Variants in MCC observed in about 807,000 individuals in gnomAD.
MCC encodes the protein MCC regulator of Wnt signaling pathway.
Under a neutral mutation model 116.2 loss-of-function variants are expected in MCC, and 90 were observed. That is an observed-to-expected ratio of 0.77 (90% CI 0.65 to 0.92). The LOEUF is 0.92. Ranked by LOEUF, MCC falls within the 40% of genes least tolerant of loss-of-function variation. The pLI is 0.00. For missense variants in MCC, 1,516 were observed against 1,312.2 expected (o/e 1.16, Z -2.40); for synonymous variants, 578 against 510.5 (o/e 1.13, Z -1.78).
At position 113,042,424 on chromosome 5, in the gene MCC, G is replaced by C. The variant is rs571806681; in HGVS notation, c.2756+1106C>G. 1.8e-3 allele frequency among the ~76,000 whole-genome samples: 255 copies of C among 139,708 alleles called. 6 individuals are homozygous for C. The highest frequency in any genetic ancestry group is 6.5e-3 in the African/African-American group (240 of 36,902). 91.7% of individuals were successfully genotyped at this position (139,708 alleles called of 152,430 possible). A position where few individuals can be genotyped will look rare whatever the true frequency, so the allele number is the denominator to read the frequency against. ...CAGGAGATTGAGGCTGCAGTGAGCT[G>C]TGATTGTGTCACTGCACTCCAGCCT... On this transcript the variant is annotated intron_variant, in intron 17 of 18. Coordinates refer to ENST00000408903, the MANE Select transcript of MCC (RefSeq NM_001085377.2).
At chr5:113,378,309 G>A (rs1769033551) in intron 2 of MCC, among the ~76,000 whole-genome samples, 1 of 151,970 alleles carries the variant, frequency 6.6e-6, no homozygotes, top group Non-Finnish European at 1.5e-5. Context: ...GTTTTTCTGA[G>A]AAACTTCAGT....
intron 1 of MCC, among the ~76,000 whole-genome samples, chr5:113,405,917 C>A (rs1769819906): frequency 6.6e-6 from 1 of 152,076 alleles, no homozygotes. Flanking sequence ...TCCTTTTGAG[C>A]ATCACTCTAA....
At chr5:113,027,883 A>G (rs116139769) in intron 18 of MCC, among the ~76,000 whole-genome samples, 2 of 152,214 alleles carry the variant, frequency 1.3e-5, no homozygotes, top group African/African-American at 4.8e-5. Context: ...AAGGCACTGC[A>G]ATCAAAGTGA....
At chr5:113,421,443 A>G (rs1770331762) in intron 1 of MCC, among the ~76,000 whole-genome samples, 2 of 152,178 alleles carry the variant, frequency 1.3e-5, no homozygotes, top group Admixed American at 1.3e-4. Flanking sequence ...ATTTCATAAC[A>G]TTTCTAACTG....
chr5:113,355,835 C>T (rs1768398121), intron 2 of MCC, among the ~76,000 whole-genome samples: 2 of 151,998 alleles, frequency 1.3e-5, no homozygotes, highest in African/African-American at 4.8e-5. Context: ...TTAGGGTTTC[C>T]ACATACAAAT....
At chr5:113,096,354 C>A (rs960452554) in intron 8 of MCC, among the ~76,000 whole-genome samples, 2 of 152,186 alleles carry the variant, frequency 1.3e-5, no homozygotes, top group African/African-American at 4.8e-5. Flanking sequence ...GGGTGCTACA[C>A]CCCATTTACT....
intron 1 of MCC, among the ~76,000 whole-genome samples, chr5:113,398,076 T>C (rs1217649256): frequency 6.6e-6 from 1 of 152,022 alleles, no homozygotes; most frequent in Non-Finnish European, 1.5e-5. Context: ...CCAACAAACA[T>C]GAAAAAATGC....
At chr5:113,212,505 T>G (rs940789787) in intron 3 of MCC, among the ~76,000 whole-genome samples, 3 of 152,200 alleles carry the variant, frequency 2.0e-5, no homozygotes, top group Non-Finnish European at 4.4e-5. Context: ...GCAGACAGCT[T>G]CACTATAATG....
chr5:113,083,971 AG>A, intron 10 of MCC, 129 bp downstream of exon 10: 1 of 671,326 alleles, frequency 1.5e-6, no homozygotes, highest in South Asian at 2.0e-5. Flanking sequence ...GAAGGAAATC[AG>A]GTATGATTTA....
intron 2 of MCC, among the ~76,000 whole-genome samples, chr5:113,360,628 C>T (rs1313729172): frequency 2.6e-5 from 4 of 152,156 alleles, no homozygotes; most frequent in Non-Finnish European, 5.9e-5. Flanking sequence ...ACCATTCAGA[C>T]TTTATACTCC....
intron 16 of MCC, chr5:113,048,809 G>A: frequency 1.9e-6 from 1 of 522,332 alleles, no homozygotes; most frequent in South Asian, 3.1e-5. Flanking sequence ...CGAAGGAGGT[G>A]AGAACAGTAT....
In MCC at chr5:113,246,070, G is replaced by A. The variant is rs113076284; in HGVS notation, c.627+94449C>T. 4.5e-3 allele frequency among the ~76,000 whole-genome samples: 690 copies of A among 152,284 alleles called. 6 individuals are homozygous for A. Among genetic ancestry groups the A allele is most frequent in the African/African-American group, 0.016 (657 of 41,556 alleles). On this transcript the variant is annotated intron_variant, in intron 3 of 18. Transcript: ENST00000408903. ...GGGAACAAAAAAGAATAAACTCTTGGTAGAAAAGAGAGACATTTAGATTTA... is the reference window on the plus strand; with the variant it reads ...GGGAACAAAAAAGAATAAACTCTTGATAGAAAAGAGAGACATTTAGATTTA...
Position 113,335,340 on chromosome 5 carries a change from T to C in MCC, c.627+5179A>G, listed in dbSNP as rs545806025. 2.3e-4 allele frequency among the ~76,000 whole-genome samples: 35 copies of C among 151,788 alleles called. 1 individual carries two copies. The highest frequency in any genetic ancestry group is 4.6e-4 in the Non-Finnish European group (31 of 68,044). On this transcript the variant is annotated intron_variant, in intron 3 of 18. Coordinates refer to ENST00000408903, the MANE Select transcript of MCC (RefSeq NM_001085377.2). ...TGTCCACATGGCTTCTCTTCTAGTA[T>C]AATTAATTTTAATGTACATCAATTA...
intron 3 of MCC, among the ~76,000 whole-genome samples, chr5:113,151,928 A>AT (rs1436506981): frequency 2.0e-5 from 3 of 152,194 alleles, no homozygotes; most frequent in Non-Finnish European, 4.4e-5. Flanking sequence ...AGCAGAGCTC[A>AT]TTTTTTAGAT....
chr5:113,066,536 A>C (rs1388450954), intron 13 of MCC, among the ~76,000 whole-genome samples: 1 of 152,228 alleles, frequency 6.6e-6, no homozygotes, highest in Admixed American at 6.5e-5. Context: ...ATACAAATGA[A>C]GGTGTGCTCC....
chr5:113,043,945 C>G lies in MCC; in HGVS notation c.2656-315G>C, dbSNP rs140110486. On this transcript the variant is annotated intron_variant, in intron 16 of 18. Transcript: ENST00000408903. Reference sequence around the variant, plus strand: ...CAATCATTTAATCTCCACAAATACTCTCTGAGGCAGGAACTATCATTATCT... The same window carrying G: ...CAATCATTTAATCTCCACAAATACTGTCTGAGGCAGGAACTATCATTATCT... Among the ~76,000 whole-genome samples the G allele has an allele frequency of 2.0e-3, 299 of 152,338 alleles. 1 individual carries two copies. The highest frequency in any genetic ancestry group is 6.8e-3 in the Middle Eastern group (2 of 294).
At chr5:113,383,145 T>C (rs1769165577) in intron 2 of MCC, among the ~76,000 whole-genome samples, 2 of 151,660 alleles carry the variant, frequency 1.3e-5, no homozygotes. Context: ...CAATTTTTTT[T>C]CACAAAAAAT....
intron 6 of MCC, 38 bp from the exon 7 acceptor site, chr5:113,104,393 A>G (rs765035123): frequency 3.3e-5 from 52 of 1,553,430 alleles, no homozygotes; most frequent in Non-Finnish European, 4.5e-5. Flanking sequence ...TACACAGGGC[A>G]ACAAATGCTG....
chr5:113,190,571 G>C (rs955188677), intron 3 of MCC, among the ~76,000 whole-genome samples: 1 of 152,162 alleles, frequency 6.6e-6, no homozygotes, highest in Non-Finnish European at 1.5e-5. Flanking sequence ...AAAGAATGTA[G>C]AGCTATTCAG....
Sources: allele counts gnomAD v4.1 joint callset (sites outside exome capture counted in the v4.1 genomes callset), GRCh38; gene constraint gnomAD v4.1.1; transcripts MANE v1.5; gene names NCBI Gene and HGNC (gene_info 2026-07-23, HGNC 2026-07-21).